Variants in CLASP2 observed in about 807,000 individuals in gnomAD.
CLASP2 encodes the protein cytoplasmic linker associated protein 2, also known as CLIP-associating protein 2.
A neutral mutation model predicts 194.4 loss-of-function variants in CLASP2; 47 were observed. The ratio of observed to expected loss-of-function variants is 0.24; its 90% CI spans 0.19 to 0.31. The LOEUF is 0.31. CLASP2 is among the 10% of genes least tolerant of loss of function. The pLI is 1.00. For synonymous variants in CLASP2, 619 were observed against 633.5 expected, an observed-to-expected ratio of 0.98 and a Z score of 0.34; for missense variants, 1,445 against 1,823.6, an observed-to-expected ratio of 0.79 and a Z score of 3.78.
chr3:33,644,852 G>C lies in CLASP2; in HGVS notation c.767C>G (p.Ala256Gly), dbSNP rs749923775. ...ESVDGNRPSS[A>G]ASAFKVPAPK... ...TGCAGGAACCTTGAAGGCTGATGCA[G>C]CTGATGATGGCCTATTTCCATCCAC... Residue 256 changes from alanine to glycine, a missense_variant, in exon 8 of 39, where the codon GCT (alanine) becomes GGT (glycine). This residue lies in a region of CLASP2 where 332 missense variants were observed against 325.3 expected (regional missense o/e 1.02). Transcript: ENST00000682230. 3 of 1,609,436 alleles carry C rather than the reference G, an allele frequency of 1.9e-6. No individual in the cohort carries two copies. The highest frequency in any genetic ancestry group is 2.5e-6 in the Non-Finnish European group (3 of 1,177,580).
chr3:33,689,974 C>T, intron 2 of CLASP2, 42 bp from the exon 3 acceptor site: 2 of 1,264,650 alleles, frequency 1.6e-6, no homozygotes, highest in Non-Finnish European at 2.2e-6. Flanking sequence ...ACTTATAACT[C>T]ATCTCCATTA....
chr3:33,538,058 G>A (rs2057701817), intron 33 of CLASP2, among the ~76,000 whole-genome samples: 2 of 151,774 alleles, frequency 1.3e-5, no homozygotes. Context: ...GGAGAATGGC[G>A]TGAACCCGGA....
At chr3:33,656,189 GT>G (rs2084178402) in intron 7 of CLASP2, among the ~76,000 whole-genome samples, 2 of 152,080 alleles carry the variant, frequency 1.3e-5, no homozygotes, top group Non-Finnish European at 2.9e-5. Context: ...ACAAACCCAA[GT>G]TTGCCTAGAA....
At chr3:33,698,272 A>G (rs1250924223) in intron 1 of CLASP2, among the ~76,000 whole-genome samples, 1 of 152,186 alleles carries the variant, frequency 6.6e-6, no homozygotes, top group Non-Finnish European at 1.5e-5. Context: ...CAATGCTATT[A>G]AGGAGAGGAA....
Position 33,621,058 on chromosome 3 carries a change from T to G in CLASP2, c.1181+1077A>C, listed in dbSNP as rs547748172. On this transcript the variant is annotated intron_variant, in intron 11 of 38. Transcript: ENST00000682230. The stretch of plus-strand genomic sequence containing the variant: ...GTGTGTGTGAATCTCCCCTCTTCTC[T>G]CCAGTATTCTGCACTGCCAATTGTG... 3.4e-3 allele frequency among the ~76,000 whole-genome samples: 508 copies of G among 151,162 alleles called. 3 individuals carry two copies. The highest frequency in any genetic ancestry group is 0.011 in the African/African-American group (459 of 41,176).
chr3:33,592,442 G>T lies in CLASP2; in HGVS notation c.2021C>A (p.Ala674Glu). The T allele has an allele frequency of 6.2e-7, 1 of 1,613,808 alleles. No individual in the cohort carries two copies. The highest frequency in any genetic ancestry group is 8.5e-7 in the Non-Finnish European group (1 of 1,179,822). ...TGTTCGACTTCTTCCTCTAGAATCT[G>T]CCTTGGCATTTCCCATGCCAGCAAG... ...APLAGMGNAKADSRGRSRTKM... is the reference protein window; with the variant it reads ...APLAGMGNAKEDSRGRSRTKM... The change falls in exon 21 of 39, where the codon GCA becomes GAA. Residue 674 changes from alanine (A) to glutamate (E), a missense_variant. Physicochemically the swap from Ala to Glu is moderately radical, Grantham distance 107 (BLOSUM62 -1). Around this residue, in one of 4 missense-constraint regions of CLASP2, gnomAD observed 174 missense variants for 179.0 expected, o/e 0.97. Transcript: ENST00000682230.
At position 33,576,266 on chromosome 3, in the gene CLASP2, T is replaced by C; in HGVS notation, c.2357A>G (p.Tyr786Cys). The change falls in exon 24 of 39, where the codon TAT (tyrosine) becomes TGT (cysteine). Residue 786 changes from tyrosine to cysteine, a missense_variant. Tyr to Cys is a radical substitution (Grantham distance 194). Coordinates refer to ENST00000682230, the MANE Select transcript of CLASP2 (RefSeq NM_001365631.1). ...CAGTCGACTTGATTGGCTGATCCCA[T>C]AACCTGGACCTAATTCATCAAAAGA... The part of the protein sequence containing the change: ...VRSFQPLGPG[Y>C]GISQSSRLSS... 1.9e-6 allele frequency: 3 copies of C among 1,612,940 alleles called. No individual in the cohort carries two copies. The highest frequency in any genetic ancestry group is 2.2e-5 in the East Asian group (1 of 44,882).
chr3:33,608,664 T>C (rs541865002), intron 13 of CLASP2, 38 bp from the exon 14 acceptor site: 3 of 1,414,358 alleles, frequency 2.1e-6, no homozygotes, highest in East Asian at 4.6e-5. Flanking sequence ...AAATGTTGTA[T>C]TGAGAAATAC....
chr3:33,643,611 C>CTA (rs1351872905), intron 8 of CLASP2, among the ~76,000 whole-genome samples: 2 of 151,738 alleles, frequency 1.3e-5, no homozygotes, highest in Admixed American at 6.6e-5. Flanking sequence ...ATATGTGCAT[C>CTA]TATATATATA....
chr3:33,619,504 A>C, intron 12 of CLASP2, 99 bp downstream of exon 12: 2 of 1,026,396 alleles, frequency 1.9e-6, no homozygotes, highest in Non-Finnish European at 2.7e-6. Context: ...TTACATTGAG[A>C]GAGAGGGGTG....
At chr3:33,700,313 G>A (rs1217498715) in intron 1 of CLASP2, among the ~76,000 whole-genome samples, 1 of 151,982 alleles carries the variant, frequency 6.6e-6, no homozygotes, top group African/African-American at 2.4e-5. Context: ...TGTAATCCCA[G>A]CTACTCAGGA....
chr3:33,555,108 AT>A (rs1222994009), intron 29 of CLASP2, among the ~76,000 whole-genome samples: 1 of 152,210 alleles, frequency 6.6e-6, no homozygotes, highest in East Asian at 1.9e-4. Context: ...AGATACACCT[AT>A]GAGGTAATAC....
At chr3:33,568,250 A>C (rs2063096638) in intron 26 of CLASP2, among the ~76,000 whole-genome samples, 1 of 152,112 alleles carries the variant, frequency 6.6e-6, no homozygotes, top group East Asian at 1.9e-4. Flanking sequence ...TTAGTGATAC[A>C]TGAAAATTAT....
At chr3:33,591,932 T>C (rs565669161) in intron 21 of CLASP2, among the ~76,000 whole-genome samples, 5 of 152,316 alleles carry the variant, frequency 3.3e-5, no homozygotes, top group Middle Eastern at 3.4e-3. Flanking sequence ...ACCTAAGATA[T>C]AACCAGATTT....
rs543352920 is a variant in CLASP2, at chr3:33,498,175, G to C, written c.*456C>G. Reference sequence around the variant, plus strand: ...ACATCATTTAAATATTTCTAGCATAGGACATGATACGAAACAAAACTCAAA... The same window carrying C: ...ACATCATTTAAATATTTCTAGCATACGACATGATACGAAACAAAACTCAAA... On this transcript the variant is annotated 3_prime_UTR_variant, in exon 39 of 39. Coordinates refer to ENST00000682230, the MANE Select transcript of CLASP2 (RefSeq NM_001365631.1). 6.5e-6 allele frequency: 1 copy of C among 153,054 alleles called. No individual in the cohort carries two copies. Among genetic ancestry groups the C allele is most frequent in the Admixed American group, 6.5e-5 (1 of 15,362 alleles). The allele number at this position is 153,054 out of a possible 1,614,324, so 9.5% of individuals were successfully genotyped here.
At chr3:33,585,704 G>C (rs534252721) in intron 21 of CLASP2, among the ~76,000 whole-genome samples, 1 of 151,796 alleles carries the variant, frequency 6.6e-6, no homozygotes, top group Non-Finnish European at 1.5e-5. Context: ...TACCCAATAC[G>C]CAGTCTTTTG....
chr3:33,646,484 T>C (rs2082304984), intron 7 of CLASP2, among the ~76,000 whole-genome samples: 1 of 152,084 alleles, frequency 6.6e-6, no homozygotes, highest in African/African-American at 2.4e-5. Context: ...AAAACACTAA[T>C]ACAATTCCAA....
chr3:33,649,480 C>T (rs1176440260), intron 7 of CLASP2, among the ~76,000 whole-genome samples: 2 of 152,070 alleles, frequency 1.3e-5, no homozygotes, highest in East Asian at 3.9e-4. Flanking sequence ...GAAAGCATTA[C>T]TAAGTTATTT....
intron 16 of CLASP2, among the ~76,000 whole-genome samples, chr3:33,606,276 T>C (rs2073826309): frequency 6.6e-6 from 1 of 152,112 alleles, no homozygotes; most frequent in South Asian, 2.1e-4. Flanking sequence ...TTACAATTCC[T>C]CCATTAAATG....
Sources: gnomAD v4.1 joint callset for allele counts (sites outside exome capture counted in the v4.1 genomes callset) on GRCh38, gnomAD v4.1.1 for gene constraint, gnomAD v4.1.1 regional missense constraint, MANE v1.5 for transcripts, NCBI Gene and HGNC (gene_info 2026-07-23, HGNC 2026-07-21) for gene names.